YPEL2: variants seen among roughly 807,000 people sequenced by gnomAD.
The protein encoded by YPEL2 is protein yippee-like 2.
YPEL2 carries 2 observed loss-of-function variants against 19.1 expected under a neutral mutation model. The observed-to-expected ratio is 0.10, with a 90% confidence interval of 0.04 to 0.33. The LOEUF (loss-of-function observed/expected upper bound fraction) is 0.33. Among genes scored for constraint, YPEL2 ranks in the 10% least tolerant of loss-of-function variants. YPEL2 has a pLI of 1.00. For synonymous variants in YPEL2, 52 were observed against 50.0 expected (o/e 1.04, Z -0.17); for missense variants, 66 against 140.7 (o/e 0.47, Z 2.68).
chr17:59,358,050 G>A (rs1434755115), intron 2 of YPEL2, among the ~76,000 whole-genome samples: 1 of 152,034 alleles, frequency 6.6e-6, no homozygotes, highest in Non-Finnish European at 1.5e-5. Flanking sequence ...TAGAATTATG[G>A]GTCATCTCAT....
chr17:59,360,805 T>C (rs2047837014), intron 2 of YPEL2, among the ~76,000 whole-genome samples: 3 of 152,162 alleles, frequency 2.0e-5, no homozygotes, highest in African/African-American at 7.2e-5. Flanking sequence ...CCGTTCAGGA[T>C]GAAAAGAGCC....
chr17:59,394,174 G>A (rs1228720583), intron 4 of YPEL2, among the ~76,000 whole-genome samples: 7 of 151,508 alleles, frequency 4.6e-5, no homozygotes, highest in African/African-American at 1.7e-4. Flanking sequence ...CGGACGGGGC[G>A]GCTGGCCGGG....
chr17:59,369,397 C>T lies in YPEL2; in HGVS notation c.117+15871C>T, dbSNP rs1266874361. The stretch of plus-strand genomic sequence containing the variant: ...GAGATACAAAGGCAGATTGCCAGAC[C>T]CCACCTCACAGATTCCTTTTCTGAG... On this transcript the variant is annotated intron_variant, in intron 2 of 4. Coordinates refer to ENST00000312655, the MANE Select transcript of YPEL2 (RefSeq NM_001005404.4). 4.6e-5 allele frequency among the ~76,000 whole-genome samples: 7 copies of T among 152,288 alleles called. No homozygotes were observed. In the East Asian group the frequency reaches 1.4e-3, roughly 29 times the overall value.
At chr17:59,344,381 G>T (rs1272962757) in intron 1 of YPEL2, among the ~76,000 whole-genome samples, 1 of 152,188 alleles carries the variant, frequency 6.6e-6, no homozygotes, top group Non-Finnish European at 1.5e-5. Flanking sequence ...GGTAGGAGAA[G>T]AATCCAGAGA....
At chr17:59,344,358 G>T (rs1186967075) in intron 1 of YPEL2, among the ~76,000 whole-genome samples, 1 of 152,196 alleles carries the variant, frequency 6.6e-6, no homozygotes, top group Admixed American at 6.5e-5. Context: ...GGAGATTGAG[G>T]CTCAAACAGA....
intron 1 of YPEL2, among the ~76,000 whole-genome samples, chr17:59,350,899 T>C (rs899820065): frequency 1.3e-5 from 2 of 152,150 alleles, no homozygotes; most frequent in Admixed American, 1.3e-4. Flanking sequence ...GTAAGACGGA[T>C]GGGTCTGGTG....
chr17:59,345,896 T>C (rs1340129774), intron 1 of YPEL2, among the ~76,000 whole-genome samples: 1 of 152,170 alleles, frequency 6.6e-6, no homozygotes, highest in African/African-American at 2.4e-5. Context: ...TTATCTCCTT[T>C]CAGGCAATTT....
At chr17:59,380,272 C>CTTTTTT (rs548409762) in intron 2 of YPEL2, among the ~76,000 whole-genome samples, 3 of 106,408 alleles carry the variant, frequency 2.8e-5, no homozygotes, top group Non-Finnish European at 5.4e-5. Context: ...TATCTAACTT[C>CTTTTTT]TTTTTTTTTT....
chr17:59,393,412 G>A (rs971443420), intron 4 of YPEL2, among the ~76,000 whole-genome samples: 43 of 151,114 alleles, frequency 2.8e-4, no homozygotes, highest in African/African-American at 9.9e-4. Context: ...TAGGATTATG[G>A]GTGTGAGCCA....
chr17:59,390,595 G>A (rs115530148), intron 4 of YPEL2, among the ~76,000 whole-genome samples: 1,881 of 152,246 alleles, frequency 0.012, 39 homozygotes, highest in African/African-American at 0.043. Flanking sequence ...TCTCCCAAAT[G>A]GACAATTATT....
chr17:59,340,291 TAG>T (rs1351616650), intron 1 of YPEL2, among the ~76,000 whole-genome samples: 1 of 151,734 alleles, frequency 6.6e-6, no homozygotes, highest in East Asian at 1.9e-4. Flanking sequence ...GTATTTTTAG[TAG>T]AGACAGGGTT....
rs1457234901 is a variant in YPEL2, at chr17:59,353,844, C to T, written c.117+318C>T. 7 of 371,424 alleles carry T rather than the reference C, an allele frequency of 1.9e-5. No individual in the cohort carries two copies. Among genetic ancestry groups the T allele is most frequent in the South Asian group, 2.1e-5 (1 of 47,142 alleles). 23.0% of individuals were successfully genotyped at this position (371,424 alleles called of 1,614,324 possible). On this transcript the variant is annotated intron_variant, in intron 2 of 4. Transcript: ENST00000312655. This position sits in a 1 kb window ranked among gnomAD's most constrained non-coding sequence, Gnocchi z 4.8. The stretch of plus-strand genomic sequence containing the variant: ...AGCTTGCTTGGTTTAGGTTGGCGGA[C>T]GAAGAGTGAAGAGTGCTCCCTGCTC...
At chr17:59,341,536 A>G (rs911974326) in intron 1 of YPEL2, among the ~76,000 whole-genome samples, 1 of 149,904 alleles carries the variant, frequency 6.7e-6, no homozygotes, top group Non-Finnish European at 1.5e-5. Context: ...GCGGGTGCCT[A>G]TAATCCCAGC....
At chr17:59,375,113 C>T (rs2047914286) in intron 2 of YPEL2, among the ~76,000 whole-genome samples, 1 of 152,030 alleles carries the variant, frequency 6.6e-6, no homozygotes. Context: ...AGTTCTCTGC[C>T]CCTGAAAGTA....
At chr17:59,336,535 C>T (rs2047699511) in intron 1 of YPEL2, among the ~76,000 whole-genome samples, 1 of 152,194 alleles carries the variant, frequency 6.6e-6, no homozygotes, top group Admixed American at 6.5e-5. Context: ...TACTAAAATT[C>T]TCTAAATCTT....
chr17:59,347,045 G>A (rs1273946298), intron 1 of YPEL2, among the ~76,000 whole-genome samples: 1 of 152,208 alleles, frequency 6.6e-6, no homozygotes, highest in African/African-American at 2.4e-5. Flanking sequence ...AGGATGAGAT[G>A]AGTCCGAAGC....
intron 1 of YPEL2, among the ~76,000 whole-genome samples, chr17:59,340,024 A>G (rs2047719891): frequency 6.6e-6 from 1 of 151,552 alleles, no homozygotes; most frequent in African/African-American, 2.4e-5. Flanking sequence ...TTAACCAGAC[A>G]TGGTCTCATG....
At chr17:59,390,765 T>A (rs2048003643) in intron 4 of YPEL2, among the ~76,000 whole-genome samples, 1 of 152,158 alleles carries the variant, frequency 6.6e-6, no homozygotes, top group South Asian at 2.1e-4. Flanking sequence ...CACATAACCA[T>A]AGACACTGCC....
chr17:59,358,161 C>T (rs1186898361), intron 2 of YPEL2, among the ~76,000 whole-genome samples: 1 of 152,138 alleles, frequency 6.6e-6, no homozygotes, highest in African/African-American at 2.4e-5. Context: ...TACCCCTCCA[C>T]AGTGTTCTGT....
Sources: allele counts gnomAD v4.1 joint callset (sites outside exome capture counted in the v4.1 genomes callset), GRCh38; gene constraint gnomAD v4.1.1; non-coding constraint Gnocchi (gnomAD v3.1); transcripts MANE v1.5; gene names NCBI Gene and HGNC (gene_info 2026-07-23, HGNC 2026-07-21).